Variants in PRRC2C observed in about 807,000 individuals in gnomAD.
The protein encoded by PRRC2C is protein PRRC2C.
PRRC2C carries 72 observed loss-of-function variants against 317.2 expected under a neutral mutation model. The observed-to-expected ratio is 0.23, with a 90% CI of 0.19 to 0.28. PRRC2C has a LOEUF of 0.28. PRRC2C is among the 10% of genes least tolerant of loss of function. The pLI is 1.00. For synonymous variants in PRRC2C, 1,296 were observed against 1,205.9 expected (o/e 1.07, Z -1.55); for missense variants, 3,074 against 3,459.7 (o/e 0.89, Z 2.80).
chr1:171,579,206 C>G (rs1213993625), intron 26 of PRRC2C, 148 bp from the exon 27 acceptor site: 1 of 1,111,456 alleles, frequency 9.0e-7, no homozygotes, highest in African/African-American at 1.6e-5. Flanking sequence ...ACATTTGCAT[C>G]TTGTCACGTT....
chr1:171,564,476 C>T lies in PRRC2C; in HGVS notation c.6118-1757C>T, dbSNP rs1018268670. On this transcript the variant is annotated intron_variant, in intron 20 of 34. Transcript: ENST00000647382. ...TATTTTCTTTTCTAATACTACTGTA[C>T]ACTTACATTTAACTGACTGTAGAAT... 3.9e-5 allele frequency among the ~76,000 whole-genome samples: 6 copies of T among 152,164 alleles called. No homozygotes were observed. In the South Asian group the frequency reaches 6.2e-4, roughly 16 times the overall value.
Position 171,587,008 on chromosome 1 carries a change from A to G in PRRC2C, c.7755A>G (p.Thr2585=). 1 of 1,599,148 alleles carries G rather than the reference A, an allele frequency of 6.3e-7. No homozygotes were observed. Among genetic ancestry groups the G allele is most frequent in the Non-Finnish European group, 8.5e-7 (1 of 1,170,536 alleles). ...AQSPSALQQV[T]VPLPASQLSL... is the part of the protein sequence containing the mutation. ...TCTCTTTACTTATTTTCTAGGTTACAGTACCTTTACCAGCATCGCAGCTTT... is the reference window on the plus strand; with the variant it reads ...TCTCTTTACTTATTTTCTAGGTTACGGTACCTTTACCAGCATCGCAGCTTT... Residue 2585 remains threonine (T), a synonymous_variant, in exon 31 of 35, where the codon ACA becomes ACG. Transcript: ENST00000647382.
chr1:171,545,715 T>TTATG (rs1054490409), intron 17 of PRRC2C, 28 bp downstream of exon 17: 10 of 707,190 alleles, frequency 1.4e-5, no homozygotes, highest in Non-Finnish European at 1.8e-5. Context: ...TTCATTTTAT[T>TTATG]TATTTATTTA....
intron 1 of PRRC2C, among the ~76,000 whole-genome samples, chr1:171,496,170 T>C (rs2102076283): frequency 6.7e-6 from 1 of 149,704 alleles, no homozygotes; most frequent in African/African-American, 2.5e-5. Flanking sequence ...CTGCCCCCTT[T>C]ACGATTTTTA....
chr1:171,537,615 C>G lies in PRRC2C; in HGVS notation c.2504+142C>G, dbSNP rs932687657. ...TATTTAATTTAGCATGCTACGCTTA[C>G]TCTTTGGACATATTCTCTGTATTCA... On this transcript the variant is annotated intron_variant, in intron 15 of 34. Coordinates refer to ENST00000647382, the MANE Select transcript of PRRC2C (RefSeq NM_001387844.1). The G allele has an allele frequency of 1.2e-5, 9 of 763,408 alleles. No homozygotes were observed. The African/African-American group carries it at 1.6e-4, about 13-fold the overall frequency. 47.3% of individuals were successfully genotyped at this position (763,408 alleles called of 1,614,324 possible).
rs114542819 is a variant in PRRC2C at position 171,548,211 on chromosome 1, C to T, written c.4973-1875C>T. Among the ~76,000 whole-genome samples, 888 of 152,204 alleles carry T rather than the reference C, an allele frequency of 5.8e-3. 3 individuals carry two copies. Among genetic ancestry groups the T allele is most frequent in the Middle Eastern group, 0.031 (9 of 294 alleles). On this transcript the variant is annotated intron_variant, in intron 17 of 34. Coordinates refer to ENST00000647382, the MANE Select transcript of PRRC2C (RefSeq NM_001387844.1). ...CAGGAACTCCTGACCTCATGTTATC[C>T]GCCTTCCTTGGCCTCCCAAAGTGCT...
At chr1:171,553,467 T>C (rs992105790) in intron 18 of PRRC2C, among the ~76,000 whole-genome samples, 3 of 152,164 alleles carry the variant, frequency 2.0e-5, no homozygotes, top group African/African-American at 7.2e-5. Flanking sequence ...CTCTATCTCC[T>C]TCAGTTCTGC....
chr1:171,593,231 T>C lies in PRRC2C; in HGVS notation c.*1384T>C, dbSNP rs911564723. On this transcript the variant is annotated 3_prime_UTR_variant, in exon 35 of 35. Coordinates refer to ENST00000647382, the MANE Select transcript of PRRC2C (RefSeq NM_001387844.1). Reference sequence around the variant, plus strand: ...CTGTTGCTGCTATTGATGCATAACATACTGCTATTGGTCTTTTTATATAAA... The same window carrying C: ...CTGTTGCTGCTATTGATGCATAACACACTGCTATTGGTCTTTTTATATAAA... The C allele has an allele frequency of 1.3e-5, 2 of 149,018 alleles. No individual in the cohort carries two copies. The highest frequency in any genetic ancestry group is 6.7e-5 in the Admixed American group (1 of 14,936). 9.2% of individuals were successfully genotyped at this position (149,018 alleles called of 1,614,324 possible).
intron 1 of PRRC2C, among the ~76,000 whole-genome samples, chr1:171,509,253 A>G (rs1670847746): frequency 1.3e-5 from 2 of 152,206 alleles, no homozygotes; most frequent in African/African-American, 4.8e-5. Flanking sequence ...TGCTTCTTAA[A>G]GTTTTGCCAT....
Position 171,536,234 on chromosome 1 carries a change from T to C in PRRC2C, c.2249T>C (p.Met750Thr), listed in dbSNP as rs1458680109. The change falls in exon 14 of 35, where the codon ATG becomes ACG. Residue 750 changes from methionine to threonine, a missense_variant. Transcript: ENST00000647382. ...ATGCAGTCCTACATGGATCCTCGAA[T>C]GATGTCAGGAAGACCTGCTATGGAT... The part of the protein sequence containing the change: ...LMMQSYMDPR[M>T]MSGRPAMDIP... 1 of 1,613,840 alleles carries C rather than the reference T, an allele frequency of 6.2e-7. No individual in the cohort carries two copies. Among genetic ancestry groups the C allele is most frequent in the Non-Finnish European group, 8.5e-7 (1 of 1,179,808 alleles).
At position 171,568,277 on chromosome 1, in the gene PRRC2C, T is replaced by C. The variant is rs755919149; in HGVS notation, c.6589T>C (p.Ser2197Pro). The change falls in exon 23 of 35, where the codon TCT becomes CCT. Residue 2197 changes from serine to proline, a missense_variant. Coordinates refer to ENST00000647382, the MANE Select transcript of PRRC2C (RefSeq NM_001387844.1). ...ESVTDYTTPSSSLPNTVATNN... is the reference protein window; with the variant it reads ...ESVTDYTTPSPSLPNTVATNN... ...TGTAACAGACTATACTACACCCTCT[T>C]CTTCTTTGCCTAACACCGTGGCTAC... 8 of 1,610,692 alleles carry C rather than the reference T, an allele frequency of 5.0e-6. No individual in the cohort carries two copies. In the South Asian group the frequency reaches 8.9e-5, roughly 18 times the overall value.
rs754122092 is a variant in PRRC2C at position 171,541,648 on chromosome 1, A to C, written c.4182A>C (p.Arg1394Ser). The change falls in exon 16 of 35, where the codon AGA (arginine) becomes AGC (serine). Residue 1394 changes from arginine (R) to serine (S), a missense_variant. Around this residue, in one of 11 missense-constraint regions of PRRC2C, gnomAD observed 1,320 missense variants for 1,395.7 expected, o/e 0.95. Transcript: ENST00000647382. The surrounding 1 kb of genome is among the most constrained non-coding windows in gnomAD (Gnocchi z 4.1). ...AACCAGAAGATGGAGAGCCGCCAAG[A>C]AGACATGAGCAGTTTATTCCTATAG... ...VPKPEDGEPP[R>S]RHEQFIPIAA... is the part of the protein sequence containing the mutation. 6.2e-7 allele frequency: 1 copy of C among 1,613,872 alleles called. No homozygotes were observed. Among genetic ancestry groups the C allele is most frequent in the South Asian group, 1.1e-5 (1 of 91,068 alleles).
intron 1 of PRRC2C, among the ~76,000 whole-genome samples, chr1:171,509,062 A>G (rs1230752490): frequency 1.3e-5 from 2 of 151,616 alleles, no homozygotes; most frequent in East Asian, 1.9e-4. Context: ...AATTTTTTGT[A>G]TTTTTAGTAG....
rs376413836 is a variant in PRRC2C, at chr1:171,515,730, A to G, written c.401-4A>G. On this transcript the variant is annotated splice_region_variant and splice_polypyrimidine_tract_variant and intron_variant, in intron 4 of 34. Coordinates refer to ENST00000647382, the MANE Select transcript of PRRC2C (RefSeq NM_001387844.1). ...CTTTAATGTTTTTTTAAAAAAATCTATAGGAATCCAAGTGAATAGTCAGTT... is the reference window on the plus strand; with the variant it reads ...CTTTAATGTTTTTTTAAAAAAATCTGTAGGAATCCAAGTGAATAGTCAGTT... The G allele has an allele frequency of 8.8e-6, 14 of 1,589,910 alleles. No homozygotes were observed. Among genetic ancestry groups the G allele is most frequent in the African/African-American group, 2.7e-5 (2 of 73,172 alleles).
chr1:171,532,182 A>G (rs972108756), intron 11 of PRRC2C, among the ~76,000 whole-genome samples, 161 bp from the exon 12 acceptor site: 6 of 152,214 alleles, frequency 3.9e-5, no homozygotes, highest in Non-Finnish European at 7.3e-5. Context: ...TGAATTATCT[A>G]GATGTAATAT....
intron 30 of PRRC2C, among the ~76,000 whole-genome samples, chr1:171,584,840 A>G (rs781338856): frequency 2.4e-4 from 37 of 152,030 alleles, no homozygotes; most frequent in African/African-American, 1.2e-4. Context: ...TGGTGTGATC[A>G]TGGCTCATTG....
Position 171,485,808 on chromosome 1 carries a change from G to A in PRRC2C, c.-58+73G>A, listed in dbSNP as rs551915511. 4.6e-5 allele frequency: 7 copies of A among 152,364 alleles called. No individual in the cohort carries two copies. The South Asian group carries it at 6.2e-4, about 14-fold the overall frequency. The allele number at this position is 152,364 out of a possible 1,614,324, so 9.4% of individuals were successfully genotyped here. A position where few individuals can be genotyped will look rare whatever the true frequency, so the allele number is the denominator to read the frequency against. On this transcript the variant is annotated intron_variant, in intron 1 of 34. Coordinates refer to ENST00000647382, the MANE Select transcript of PRRC2C (RefSeq NM_001387844.1). ...GGGAACGGCCAGAGTGCGGCCTGGG[G>A]CGTGGGAGCGCACCCAGACCCTGGC...
chr1:171,486,140 A>C (rs12733939), intron 1 of PRRC2C, among the ~76,000 whole-genome samples: 18,851 of 113,554 alleles, frequency 0.17, 1,511 homozygotes, highest in Middle Eastern at 0.4. Context: ...AGTGTCGGGT[A>C]TGCGTTTCCC....
intron 1 of PRRC2C, among the ~76,000 whole-genome samples, chr1:171,501,482 TA>T (rs1202971992): frequency 6.6e-6 from 1 of 152,166 alleles, no homozygotes; most frequent in Non-Finnish European, 1.5e-5. Context: ...GCTAGTTTCT[TA>T]CCAGCATTGC....
Sources: allele counts gnomAD v4.1 joint callset (sites outside exome capture counted in the v4.1 genomes callset), GRCh38; gene constraint gnomAD v4.1.1; regional missense constraint gnomAD v4.1.1; non-coding constraint Gnocchi (gnomAD v3.1); transcripts MANE v1.5; gene names NCBI Gene and HGNC (gene_info 2026-07-23, HGNC 2026-07-21).